CATSPERD: variants seen among roughly 807,000 people sequenced by gnomAD.
CATSPERD encodes catsper channel auxiliary subunit delta.
In CATSPERD, 86 loss-of-function variants were observed where a neutral mutation model predicts 98.1. The observed-to-expected ratio is 0.88, with a 90% CI of 0.74 to 1.05. The LOEUF is 1.05. CATSPERD is among the 50% of genes least tolerant of loss of function. The pLI is 0.00. For missense variants in CATSPERD, 995 were observed against 1,005.7 expected (o/e 0.99, Z 0.14); for synonymous variants, 394 against 390.2 (o/e 1.01, Z -0.12).
At chr19:5,729,658 T>A (rs938131046) in intron 3 of CATSPERD, among the ~76,000 whole-genome samples, 1 of 152,226 alleles carries the variant, frequency 6.6e-6, no homozygotes, top group Non-Finnish European at 1.5e-5. Context: ...TAGTTTTATA[T>A]TTGATGTATT....
chr19:5,769,330 G>T (rs1006250098), intron 18 of CATSPERD, among the ~76,000 whole-genome samples: 2 of 151,562 alleles, frequency 1.3e-5, no homozygotes, highest in Admixed American at 1.3e-4. Context: ...TGGTGGGATG[G>T]GGGGAGGAGG....
intron 1 of CATSPERD, among the ~76,000 whole-genome samples, chr19:5,722,180 G>GT (rs1333802631): frequency 6.6e-6 from 1 of 151,718 alleles, no homozygotes; most frequent in Non-Finnish European, 1.5e-5. Flanking sequence ...GGAGTACAAT[G>GT]TCACGGTCTC....
At chr19:5,770,312 C>T (rs919539643) in intron 18 of CATSPERD, among the ~76,000 whole-genome samples, 5 of 151,246 alleles carry the variant, frequency 3.3e-5, no homozygotes, top group East Asian at 3.9e-4. Context: ...CACTTGTATT[C>T]CCAGCTTCTC....
At chr19:5,739,523 G>T in intron 7 of CATSPERD, 84 bp downstream of exon 7, 1 of 792,212 alleles carries the variant, frequency 1.3e-6, no homozygotes, top group Non-Finnish European at 2.1e-6. Context: ...GTGCGTGAGG[G>T]TGTTTTCCTC....
intron 18 of CATSPERD, among the ~76,000 whole-genome samples, chr19:5,770,294 G>C (rs2056621222): frequency 6.6e-6 from 1 of 151,356 alleles, no homozygotes; most frequent in African/African-American, 2.4e-5. Flanking sequence ...GCCGGGCGTG[G>C]TGGTGGGCAC....
rs989803352 is a variant in CATSPERD at position 5,733,751 on chromosome 19, C to T, written c.277-105C>T. On this transcript the variant is annotated intron_variant, in intron 4 of 21. Transcript: ENST00000381624. ...GATTACAAGCGAGGGCCACCGCGCC[C>T]GTCCATACATTTTTTTTTTTTCAAT... 1.4e-5 allele frequency: 11 copies of T among 783,672 alleles called. No individual in the cohort carries two copies. The East Asian group carries it at 2.1e-4, about 15-fold the overall frequency. 48.5% of individuals were successfully genotyped at this position (783,672 alleles called of 1,614,324 possible).
At position 5,733,979 on chromosome 19, in the gene CATSPERD, A is replaced by G. The variant is rs367576957; in HGVS notation, c.391+9A>G. On this transcript the variant is annotated intron_variant, in intron 5 of 21. Transcript: ENST00000381624. Reference sequence around the variant, plus strand: ...TTGGAGCATGTCTTTAGGTATGTACATTTTGTATTTTTAAATTTTGTTTGA... The same window carrying G: ...TTGGAGCATGTCTTTAGGTATGTACGTTTTGTATTTTTAAATTTTGTTTGA... The G allele has an allele frequency of 6.5e-7, 1 of 1,537,290 alleles. No individual in the cohort carries two copies. Among genetic ancestry groups the G allele is most frequent in the South Asian group, 1.2e-5 (1 of 86,300 alleles).
At position 5,778,679 on chromosome 19, in the gene CATSPERD, C is replaced by G. The variant is rs1365002708; in HGVS notation, c.*3C>G. On this transcript the variant is annotated 3_prime_UTR_variant, in exon 22 of 22. Transcript: ENST00000381624. Reference sequence around the variant, plus strand: ...ACGGAGGCAGGTCTGACCACTGAGGCCGGTCCACAGGGTCCCAACCCCTTG... The same window carrying G: ...ACGGAGGCAGGTCTGACCACTGAGGGCGGTCCACAGGGTCCCAACCCCTTG... 22 of 1,609,888 alleles carry G rather than the reference C, an allele frequency of 1.4e-5. No homozygotes were observed. The highest frequency in any genetic ancestry group is 1.9e-5 in the Non-Finnish European group (22 of 1,177,986).
intron 20 of CATSPERD, chr19:5,775,326 G>T: frequency 2.1e-6 from 1 of 469,284 alleles, no homozygotes; most frequent in South Asian, 1.6e-5. Context: ...CCACAGACCT[G>T]CGTATTTATT....
chr19:5,762,058 A>ATATATATATATATT, intron 15 of CATSPERD, among the ~76,000 whole-genome samples: 5 of 10,432 alleles, frequency 4.8e-4, no homozygotes, highest in Non-Finnish European at 7.2e-4. Flanking sequence ...ATATATATAT[A>ATATATATATATATT]TTTTTTTTTT....
At chr19:5,773,918 A>C (rs1317665476) in intron 20 of CATSPERD, among the ~76,000 whole-genome samples, 2 of 150,918 alleles carry the variant, frequency 1.3e-5, no homozygotes, top group African/African-American at 4.9e-5. Context: ...AATGCAGTGC[A>C]TGCAGCAAAG....
chr19:5,736,726 G>A (rs1262837763), intron 5 of CATSPERD, among the ~76,000 whole-genome samples: 1 of 151,368 alleles, frequency 6.6e-6, no homozygotes, highest in African/African-American at 2.4e-5. Flanking sequence ...GGATGACAGA[G>A]GGGGACTCTC....
intron 4 of CATSPERD, 32 bp from the exon 5 acceptor site, chr19:5,733,824 C>A: frequency 7.3e-7 from 1 of 1,367,118 alleles, no homozygotes; most frequent in Non-Finnish European, 1.0e-6. Context: ...AAAAGATGCT[C>A]TCATTGATAT....
intron 7 of CATSPERD, 115 bp downstream of exon 7, chr19:5,739,554 A>G (rs1005409736): frequency 1.7e-6 from 1 of 591,940 alleles, no homozygotes; most frequent in Admixed American, 3.3e-5. Flanking sequence ...CAACTGGGAC[A>G]GGAGTGGTGG....
At position 5,776,214 on chromosome 19, in the gene CATSPERD, C is replaced by T. The variant is rs759361807; in HGVS notation, c.1995C>T (p.Asp665=). The change falls in exon 21 of 22, where the codon GAC becomes GAT. Residue 665 remains aspartate, a synonymous_variant. Transcript: ENST00000381624. ...PNNNAPLRWP[D]VQYQILGGRT... Reference sequence around the variant, plus strand: ...ACAATGCCCCTTTGAGGTGGCCAGACGTCCAGTATCAGATCTTGGGCGGCC... The same window carrying T: ...ACAATGCCCCTTTGAGGTGGCCAGATGTCCAGTATCAGATCTTGGGCGGCC... 1.1e-5 allele frequency: 18 copies of T among 1,614,108 alleles called. No individual in the cohort carries two copies. In the Admixed American group the frequency reaches 1.5e-4, roughly 13 times the overall value.
At chr19:5,747,093 C>A (rs1000266599) in intron 9 of CATSPERD, among the ~76,000 whole-genome samples, 1 of 151,836 alleles carries the variant, frequency 6.6e-6, no homozygotes, top group Non-Finnish European at 1.5e-5. Context: ...AATCCTCCTG[C>A]CTTGGCCTCC....
rs35847357 is a variant in CATSPERD at position 5,772,214 on chromosome 19, ATTTTTTTTTTTTTTTT to A, written c.1764-558_1764-543del. The A allele has an allele frequency of 1.3e-3, 195 of 154,402 alleles. 2 individuals are homozygous for A. The East Asian group carries it at 0.024, about 19-fold the overall frequency. The allele number at this position is 154,402 out of a possible 1,614,324, so 9.6% of individuals were successfully genotyped here. A position where few individuals can be genotyped will look rare whatever the true frequency, so the allele number is the denominator to read the frequency against. On this transcript the variant is annotated intron_variant, in intron 19 of 21. Coordinates refer to ENST00000381624, the MANE Select transcript of CATSPERD (RefSeq NM_152784.4). Reference sequence around the variant, plus strand: ...AGTTGCATACCACAATGCCCGGTTAATTTTTTTTTTTTTTTTTTTTTTTTTTTTTTTGAGACAGAGT... The same window carrying A: ...AGTTGCATACCACAATGCCCGGTTAATTTTTTTTTTTTTTTGAGACAGAGT...
intron 3 of CATSPERD, 39 bp downstream of exon 3, chr19:5,727,383 A>G: frequency 1.4e-6 from 2 of 1,381,328 alleles, no homozygotes; most frequent in Non-Finnish European, 2.0e-6. Flanking sequence ...TTCCTTTTAA[A>G]TTAAATCTTT....
Position 5,778,331 on chromosome 19 carries a change from C to T in CATSPERD, c.2097-45C>T, listed in dbSNP as rs184443281. The stretch of plus-strand genomic sequence containing the variant: ...TTGCCAGAGATAAGGCGAAGTCCCC[C>T]AAAGGCAATGCCCAACAGCCTCTCC... On this transcript the variant is annotated intron_variant, in intron 21 of 21. Coordinates refer to ENST00000381624, the MANE Select transcript of CATSPERD (RefSeq NM_152784.4). 4.1e-4 allele frequency: 638 copies of T among 1,554,226 alleles called. 5 individuals carry two copies. In the African/African-American group the frequency reaches 7.7e-3, roughly 19 times the overall value.
Sources: gnomAD v4.1 joint callset for allele counts (sites outside exome capture counted in the v4.1 genomes callset) on GRCh38, gnomAD v4.1.1 for gene constraint, MANE v1.5 for transcripts, NCBI Gene and HGNC (gene_info 2026-07-23, HGNC 2026-07-21) for gene names.